Variants in NPAS3 observed in about 807,000 individuals in gnomAD.
The protein encoded by NPAS3 is neuronal PAS domain-containing protein 3.
In NPAS3, 14 loss-of-function variants were observed where a neutral mutation model predicts 73.1. The observed-to-expected ratio is 0.19, with a 90% CI of 0.13 to 0.30. The LOEUF (loss-of-function observed/expected upper bound fraction) is 0.30. Ranked by LOEUF, NPAS3 falls within the 10% of genes least tolerant of loss-of-function variation. The pLI is 1.00. For synonymous variants in NPAS3, 620 were observed against 541.5 expected (o/e 1.14, Z -2.01); for missense variants, 1,096 against 1,250.0 (o/e 0.88, Z 1.86).
chr14:33,680,467 G>GTTCCTT (rs1345044574), intron 6 of NPAS3: 6 of 625,584 alleles, frequency 9.6e-6, no homozygotes, highest in Middle Eastern at 3.8e-4. Context: ...TCCTGTTCCT[G>GTTCCTT]TGTATGTAGG....
At chr14:33,709,165 C>T (rs1380916024) in intron 6 of NPAS3, among the ~76,000 whole-genome samples, 3 of 152,176 alleles carry the variant, frequency 2.0e-5, no homozygotes, top group African/African-American at 7.2e-5. Flanking sequence ...ATAACTGAAG[C>T]TCTTTTCTAT....
intron 1 of NPAS3, among the ~76,000 whole-genome samples, chr14:33,047,493 A>ACCGGT (rs1363972817): frequency 6.6e-6 from 1 of 152,146 alleles, no homozygotes; most frequent in Non-Finnish European, 1.5e-5. Flanking sequence ...AATGATTTGT[A>ACCGGT]CCGGTTTCTA....
rs114581034 is a variant in NPAS3 at position 33,161,479 on chromosome 14, T to C, written c.141-53703T>C. ...GCCCAAGTTCTTGACCACTGTCTTC[T>C]AATCAACAAAAGCTATATACTTAAG... is the stretch of plus-strand genomic sequence containing the variant. On this transcript the variant is annotated intron_variant, in intron 2 of 11. Coordinates refer to ENST00000356141, the Ensembl canonical transcript of NPAS3. Among the ~76,000 whole-genome samples the C allele has an allele frequency of 4.0e-3, 607 of 152,316 alleles. 1 individual carries two copies. The highest frequency in any genetic ancestry group is 0.014 in the African/African-American group (577 of 41,574).
intron 4 of NPAS3, among the ~76,000 whole-genome samples, chr14:33,419,130 G>A (rs1044752641): frequency 6.6e-6 from 1 of 151,776 alleles, no homozygotes; most frequent in Non-Finnish European, 1.5e-5. Flanking sequence ...ATGATAAATA[G>A]TTTTTTTAAA....
chr14:33,553,413 TAAC>T (rs1440303018), intron 4 of NPAS3, among the ~76,000 whole-genome samples: 2 of 152,236 alleles, frequency 1.3e-5, no homozygotes, highest in East Asian at 3.8e-4. Context: ...CTATGGCTCT[TAAC>T]TGTTTTCTCA....
chr14:33,063,374 G>T (rs2041172760), intron 2 of NPAS3, among the ~76,000 whole-genome samples: 1 of 152,114 alleles, frequency 6.6e-6, no homozygotes. Context: ...CTAACTCAAG[G>T]TTAAGAAGGC....
chr14:33,772,952 G>A (rs926593690), intron 7 of NPAS3, among the ~76,000 whole-genome samples: 3 of 152,104 alleles, frequency 2.0e-5, no homozygotes, highest in Admixed American at 6.6e-5. Context: ...TGTGGGCGCC[G>A]ACGTGAAGGG....
At chr14:33,630,973 G>T (rs943013857) in intron 5 of NPAS3, among the ~76,000 whole-genome samples, 5 of 152,178 alleles carry the variant, frequency 3.3e-5, no homozygotes, top group Non-Finnish European at 7.4e-5. Context: ...ACTATTCTTT[G>T]TTTTGGTAAT....
chr14:33,304,993 T>C (rs1200298784), intron 3 of NPAS3, among the ~76,000 whole-genome samples: 1 of 152,040 alleles, frequency 6.6e-6, no homozygotes, highest in Non-Finnish European at 1.5e-5. Context: ...ATGTCCAGCA[T>C]TGGTGTGGGT....
intron 1 of NPAS3, among the ~76,000 whole-genome samples, chr14:32,943,187 A>T (rs180890877): frequency 0.034 from 5,214 of 151,172 alleles, 119 homozygotes; most frequent in Non-Finnish European, 0.054. Flanking sequence ...TTTTTTTTTT[A>T]AAGTTACATG....
intron 4 of NPAS3, among the ~76,000 whole-genome samples, chr14:33,417,442 C>T (rs915263558): frequency 1.3e-5 from 2 of 151,948 alleles, no homozygotes; most frequent in South Asian, 2.1e-4. Context: ...CACAGGGTGT[C>T]GTTATTGTGA....
At chr14:33,499,356 A>C (rs2052398987) in intron 4 of NPAS3, among the ~76,000 whole-genome samples, 1 of 151,872 alleles carries the variant, frequency 6.6e-6, no homozygotes, top group Non-Finnish European at 1.5e-5. Context: ...TAGAGGATAA[A>C]TTTCAAGATT....
chr14:33,664,902 G>A (rs549937700), intron 5 of NPAS3, among the ~76,000 whole-genome samples: 8 of 152,340 alleles, frequency 5.3e-5, no homozygotes, highest in African/African-American at 1.4e-4. Context: ...CTTTTACACC[G>A]TTGGTGGGAG....
chr14:33,525,357 G>A (rs1050876603), intron 4 of NPAS3, among the ~76,000 whole-genome samples: 5 of 152,156 alleles, frequency 3.3e-5, no homozygotes, highest in Admixed American at 1.3e-4. Context: ...ATTACTGCTA[G>A]ATTAGATTGG....
At chr14:33,692,680 G>T (rs998424667) in intron 6 of NPAS3, among the ~76,000 whole-genome samples, 1 of 151,996 alleles carries the variant, frequency 6.6e-6, no homozygotes, top group African/African-American at 2.4e-5. Flanking sequence ...CAGGAAAGTT[G>T]CAGGATTGCA....
chr14:32,958,060 C>T (rs555179756), intron 1 of NPAS3, among the ~76,000 whole-genome samples: 1 of 152,182 alleles, frequency 6.6e-6, no homozygotes, highest in East Asian at 1.9e-4. Context: ...ACTCACCCAG[C>T]ATTTCCTTAA....
chr14:33,676,593 A>AGTT (rs2059774653), intron 6 of NPAS3, among the ~76,000 whole-genome samples: 1 of 152,274 alleles, frequency 6.6e-6, no homozygotes. Context: ...ATCTAATTTC[A>AGTT]GTTGAACAAT....
chr14:33,429,366 T>TCTAAA (rs2048688405), intron 4 of NPAS3, among the ~76,000 whole-genome samples: 1 of 152,022 alleles, frequency 6.6e-6, no homozygotes, highest in South Asian at 2.1e-4. Flanking sequence ...ATCTCTTGGA[T>TCTAAA]CTTCAGGAAG....
intron 1 of NPAS3, among the ~76,000 whole-genome samples, chr14:32,982,227 T>C (rs1170185047): frequency 6.6e-6 from 1 of 152,184 alleles, no homozygotes; most frequent in Non-Finnish European, 1.5e-5. Flanking sequence ...GAGATCAAAC[T>C]TGCAGTTTCA....
Sources: allele counts gnomAD v4.1 joint callset (sites outside exome capture counted in the v4.1 genomes callset), GRCh38; gene constraint gnomAD v4.1.1; transcripts MANE v1.5; gene names NCBI Gene and HGNC (gene_info 2026-07-23, HGNC 2026-07-21).